EYS: variants seen among roughly 807,000 people sequenced by gnomAD.
The protein encoded by EYS is protein eyes shut homolog.
EYS carries 250 observed loss-of-function variants against 282.1 expected under a neutral mutation model. The ratio of observed to expected loss-of-function variants is 0.89; its 90% confidence interval spans 0.80 to 0.98. The LOEUF is 0.98. Among genes scored for constraint, EYS ranks in the 50% least tolerant of loss-of-function variants. The pLI, the probability that EYS is intolerant of heterozygous loss-of-function variation, is 0.00. For synonymous variants in EYS, 1,355 were observed against 1,282.9 expected (o/e 1.06, Z -1.20); for missense variants, 4,016 against 3,709.0 (o/e 1.08, Z -2.15).
At chr6:65,063,777 G>A (rs1232376507) in intron 12 of EYS, among the ~76,000 whole-genome samples, 1 of 151,868 alleles carries the variant, frequency 6.6e-6, no homozygotes, top group Non-Finnish European at 1.5e-5. Context: ...TATCTAAATG[G>A]TGACAAATAG....
chr6:65,169,047 A>T (rs1427361670), intron 12 of EYS, among the ~76,000 whole-genome samples: 1 of 151,460 alleles, frequency 6.6e-6, no homozygotes, highest in Non-Finnish European at 1.5e-5. Flanking sequence ...ATGAGAAATC[A>T]TTCCCTATTC....
At chr6:64,955,730 A>G (rs1167427014) in intron 14 of EYS, among the ~76,000 whole-genome samples, 1 of 152,196 alleles carries the variant, frequency 6.6e-6, no homozygotes, top group Non-Finnish European at 1.5e-5. Context: ...CCAGATATGC[A>G]TAGATGCAAC....
intron 35 of EYS, among the ~76,000 whole-genome samples, chr6:63,984,091 C>G (rs1420905134): frequency 6.6e-6 from 1 of 151,598 alleles, no homozygotes; most frequent in Non-Finnish European, 1.5e-5. Flanking sequence ...TTACAAGAAG[C>G]TGGAACACCT....
At position 64,172,153 on chromosome 6, in the gene EYS, T is replaced by C. The variant is rs569112966; in HGVS notation, c.6424+58439A>G. On this transcript the variant is annotated intron_variant, in intron 31 of 42. Coordinates refer to ENST00000503581, the MANE Select transcript of EYS (RefSeq NM_001142800.2). ...TCCTGATCTATGTAGAGAGTTGATATCACCCCAGAAAAATATGCATGCACA... is the reference window on the plus strand; with the variant it reads ...TCCTGATCTATGTAGAGAGTTGATACCACCCCAGAAAAATATGCATGCACA... Among the ~76,000 whole-genome samples the C allele has an allele frequency of 7.9e-5, 12 of 152,280 alleles. No homozygotes were observed. The South Asian group carries it at 2.1e-3, about 26-fold the overall frequency.
chr6:65,054,061 A>G (rs78489203), intron 13 of EYS, among the ~76,000 whole-genome samples: 2,385 of 152,054 alleles, frequency 0.016, 56 homozygotes, highest in African/African-American at 0.054. Flanking sequence ...TAGAAACTGA[A>G]CTCATAGATG....
At chr6:65,123,935 T>G (rs1319387433) in intron 12 of EYS, among the ~76,000 whole-genome samples, 1 of 152,124 alleles carries the variant, frequency 6.6e-6, no homozygotes, top group East Asian at 1.9e-4. Context: ...ATCCCAGCAC[T>G]TTGGGAGGCC....
At chr6:64,320,582 C>T (rs1486192471) in intron 29 of EYS, among the ~76,000 whole-genome samples, 1 of 150,544 alleles carries the variant, frequency 6.6e-6, no homozygotes, top group Non-Finnish European at 1.5e-5. Context: ...TTCCATTTTT[C>T]TCCTATTTTT....
Position 64,912,503 on chromosome 6 carries a change from C to A in EYS, c.2622G>T (p.Gln874His), listed in dbSNP as rs377592930. 3.2e-6 allele frequency: 5 copies of A among 1,550,906 alleles called. No individual in the cohort carries two copies. Among genetic ancestry groups the A allele is most frequent in the Middle Eastern group, 1.7e-4 (1 of 6,012 alleles). The change falls in exon 16 of 43, where the codon CAG becomes CAT. Residue 874 changes from glutamine (Q) to histidine (H), a missense_variant. Gln to His is a conservative substitution (Grantham distance 24). Coordinates refer to ENST00000503581, the MANE Select transcript of EYS (RefSeq NM_001142800.2). ...TCTTACCTTCTCTACAAATACAATGCTGATTTGCGTCTACCAAAGCTAAGC... is the reference window on the plus strand; with the variant it reads ...TCTTACCTTCTCTACAAATACAATGATGATTTGCGTCTACCAAAGCTAAGC... Reference protein sequence around the residue: ...STCLALVDANQHCICREEFEG... With the variant: ...STCLALVDANHHCICREEFEG...
chr6:65,429,669 A>G (rs1415695601), intron 5 of EYS, among the ~76,000 whole-genome samples: 1 of 152,168 alleles, frequency 6.6e-6, no homozygotes, highest in African/African-American at 2.4e-5. Flanking sequence ...GGACTTGACT[A>G]TACAATAAAA....
intron 11 of EYS, among the ~76,000 whole-genome samples, chr6:65,326,945 A>C (rs1467465136): frequency 1.3e-5 from 2 of 151,690 alleles, no homozygotes; most frequent in Non-Finnish European, 3.0e-5. Flanking sequence ...TTTTTAAATC[A>C]ATTCTTTTAT....
At chr6:64,102,820 T>C (rs11756556) in intron 31 of EYS, among the ~76,000 whole-genome samples, 39,774 of 152,024 alleles carry the variant, frequency 0.26, 5,367 homozygotes, top group East Asian at 0.42. Context: ...ATTTGATATT[T>C]ATTAAATGGA....
chr6:64,095,926 A>T (rs1454763104), intron 31 of EYS, among the ~76,000 whole-genome samples: 1 of 152,184 alleles, frequency 6.6e-6, no homozygotes, highest in Non-Finnish European at 1.5e-5. Flanking sequence ...AGCTTCCTTC[A>T]GGAGCTCTTT....
At chr6:64,950,829 AT>A (rs1562272768) in intron 14 of EYS, among the ~76,000 whole-genome samples, 18 of 119,492 alleles carry the variant, frequency 1.5e-4, no homozygotes, top group Non-Finnish European at 2.7e-4. Flanking sequence ...ATATATATAT[AT>A]ATATTGTTGA....
intron 22 of EYS, among the ~76,000 whole-genome samples, chr6:64,634,249 TG>T (rs1227693363): frequency 6.6e-6 from 1 of 152,200 alleles, no homozygotes; most frequent in Non-Finnish European, 1.5e-5. Flanking sequence ...CCCAAAGTGT[TG>T]GGATTACAGG....
intron 28 of EYS, among the ~76,000 whole-genome samples, chr6:64,390,320 AG>A (rs953966145): frequency 6.6e-6 from 1 of 152,200 alleles, no homozygotes; most frequent in African/African-American, 2.4e-5. Flanking sequence ...CTCTGGGGGC[AG>A]GGCACGGACA....
intron 2 of EYS, among the ~76,000 whole-genome samples, chr6:65,573,461 A>T (rs1481695843): frequency 6.6e-6 from 1 of 152,164 alleles, no homozygotes; most frequent in African/African-American, 2.4e-5. Flanking sequence ...GGGAGACGCC[A>T]CTGTTTACTC....
chr6:65,080,766 C>A (rs1386871786), intron 12 of EYS, among the ~76,000 whole-genome samples: 1 of 151,966 alleles, frequency 6.6e-6, no homozygotes, highest in Non-Finnish European at 1.5e-5. Context: ...AGTTCCTAAC[C>A]TTTTAATAAA....
intron 5 of EYS, among the ~76,000 whole-genome samples, chr6:65,413,899 T>C (rs966294197): frequency 6.6e-6 from 1 of 152,040 alleles, no homozygotes; most frequent in African/African-American, 2.4e-5. Flanking sequence ...CCACATCTTG[T>C]TGTATTTACA....
At chr6:63,736,335 A>G (rs536421081) in intron 41 of EYS, among the ~76,000 whole-genome samples, 4 of 152,270 alleles carry the variant, frequency 2.6e-5, no homozygotes, top group African/African-American at 9.6e-5. Flanking sequence ...ACCATTTATT[A>G]AATAGGGAAT....
Sources: gnomAD v4.1 joint callset for allele counts (sites outside exome capture counted in the v4.1 genomes callset) on GRCh38, gnomAD v4.1.1 for gene constraint, MANE v1.5 for transcripts, NCBI Gene and HGNC (gene_info 2026-07-23, HGNC 2026-07-21) for gene names.